Variants in RASSF3 observed in about 807,000 individuals in gnomAD.
The protein encoded by RASSF3 is Ras association domain family member 3.
A neutral mutation model predicts 19.9 loss-of-function variants in RASSF3; 19 were observed. The observed-to-expected ratio is 0.96, with a 90% CI of 0.67 to 1.40. The LOEUF is 1.40. Among genes scored for constraint, RASSF3 ranks in the 40% most tolerant of loss-of-function variants. RASSF3 has a pLI of 0.00. For synonymous variants in RASSF3, 110 were observed against 104.2 expected, an observed-to-expected ratio of 1.06 and a Z score of -0.34; for missense variants, 306 against 289.8, an observed-to-expected ratio of 1.06 and a Z score of -0.41.
chr12:64,636,061 G>T (rs185950165), intron 1 of RASSF3, among the ~76,000 whole-genome samples: 27 of 151,918 alleles, frequency 1.8e-4, no homozygotes, highest in African/African-American at 6.3e-4. Flanking sequence ...TGATTGTAAT[G>T]AGAGTGGCTC....
intron 2 of RASSF3, among the ~76,000 whole-genome samples, chr12:64,596,144 C>G (rs944451803): frequency 6.6e-6 from 1 of 152,164 alleles, no homozygotes; most frequent in Admixed American, 6.6e-5. Flanking sequence ...TTGATCAGAC[C>G]CTTTTTGTCC....
intron 2 of RASSF3, among the ~76,000 whole-genome samples, chr12:64,548,523 G>A (rs1406964072): frequency 2.0e-5 from 3 of 152,092 alleles, no homozygotes; most frequent in Non-Finnish European, 2.9e-5. Flanking sequence ...ATTTCTTACT[G>A]TTGAACATGA....
chr12:64,690,164 CA>C (rs1470673772), intron 3 of RASSF3, among the ~76,000 whole-genome samples: 5 of 151,376 alleles, frequency 3.3e-5, no homozygotes, highest in African/African-American at 1.2e-4. Context: ...ATGGTATATA[CA>C]TTTTTTTTTA....
At chr12:64,599,742 T>G (rs1477619790) in intron 2 of RASSF3, among the ~76,000 whole-genome samples, 3 of 152,142 alleles carry the variant, frequency 2.0e-5, no homozygotes, top group Admixed American at 6.6e-5. Context: ...CTCAAAATAC[T>G]GCCTGATAAG....
downstream of RASSF3, among the ~76,000 whole-genome samples, chr12:64,543,421 G>GCCCGCCCGCGCCCCC (rs1565836074): frequency 1.8e-5 from 1 of 55,880 alleles, no homozygotes; most frequent in Non-Finnish European, 3.6e-5. Context: ...CCCGCCCCCC[G>GCCCGCCCGCGCCCCC]GCTCCCCGCC....
intron 1 of RASSF3, among the ~76,000 whole-genome samples, chr12:64,526,707 A>G (rs1868595711): frequency 6.6e-6 from 1 of 152,070 alleles, no homozygotes; most frequent in Admixed American, 6.5e-5. Flanking sequence ...CGTTGCTTGG[A>G]TAACTTTTTA....
rs4102908 is a variant in RASSF3 at position 64,658,599 on chromosome 12, C to T, written c.112-26188C>T. Among the ~76,000 whole-genome samples the T allele has an allele frequency of 4.3e-3, 647 of 151,816 alleles. 3 individuals carry two copies. Among genetic ancestry groups the T allele is most frequent in the Non-Finnish European group, 6.9e-3 (472 of 67,918 alleles). On this transcript the variant is annotated intron_variant, in intron 1 of 4. Transcript: ENST00000542104. ...GGCGGATCGCTTGAGGCTGAGAGTTCAAGACCAGCCTGGACAACATAGTGA... is the reference window on the plus strand; with the variant it reads ...GGCGGATCGCTTGAGGCTGAGAGTTTAAGACCAGCCTGGACAACATAGTGA...
chr12:64,644,871 C>G (rs1364708312), intron 1 of RASSF3, among the ~76,000 whole-genome samples: 1 of 152,104 alleles, frequency 6.6e-6, no homozygotes, highest in East Asian at 1.9e-4. Context: ...AGCCCTAACA[C>G]ATTTTTGTGT....
chr12:64,658,608 C>T (rs1281919080), intron 1 of RASSF3, among the ~76,000 whole-genome samples: 1 of 151,924 alleles, frequency 6.6e-6, no homozygotes, highest in Non-Finnish European at 1.5e-5. Context: ...TCAAGACCAG[C>T]CTGGACAACA....
At chr12:64,688,129 T>C in intron 2 of RASSF3, 87 bp from the exon 3 acceptor site, 1 of 895,888 alleles carries the variant, frequency 1.1e-6, no homozygotes, top group South Asian at 1.4e-5. Flanking sequence ...AAAGGAGTGT[T>C]TCACCTTCCC....
chr12:64,554,521 TCTCGAACTCCTGAA>T (rs1304691892), intron 2 of RASSF3, among the ~76,000 whole-genome samples: 2 of 152,120 alleles, frequency 1.3e-5, no homozygotes, highest in South Asian at 4.1e-4. Context: ...GCCAGGCTGG[TCTCGAACTCCTGAA>T]CTCAGGTGAT....
At chr12:64,684,380 G>A (rs562964167) in intron 1 of RASSF3, among the ~76,000 whole-genome samples, 3 of 151,284 alleles carry the variant, frequency 2.0e-5, no homozygotes, top group East Asian at 1.9e-4. Flanking sequence ...CACCGTGCCC[G>A]GCCCTTGTGT....
intron 2 of RASSF3, among the ~76,000 whole-genome samples, chr12:64,579,187 G>A (rs571582415): frequency 1.3e-5 from 2 of 151,870 alleles, no homozygotes; most frequent in African/African-American, 2.4e-5. Context: ...TGACACAACC[G>A]TGTTAGAAAG....
At chr12:64,550,831 AAAG>A (rs1361382751) in intron 2 of RASSF3, among the ~76,000 whole-genome samples, 1 of 147,592 alleles carries the variant, frequency 6.8e-6, no homozygotes, top group African/African-American at 2.6e-5. Flanking sequence ...AAAAAAAAAA[AAAG>A]AAAGAAAGAA....
At chr12:64,552,925 T>C (rs560204875) in intron 2 of RASSF3, among the ~76,000 whole-genome samples, 3 of 152,164 alleles carry the variant, frequency 2.0e-5, no homozygotes, top group Non-Finnish European at 4.4e-5. Flanking sequence ...AAATAGCAAC[T>C]TGGGGCCGGG....
intron 1 of RASSF3, among the ~76,000 whole-genome samples, chr12:64,637,725 CAGCCCCTTG>C (rs1871370652): frequency 6.6e-6 from 1 of 152,048 alleles, no homozygotes; most frequent in Admixed American, 6.6e-5. Context: ...CCACCATGCC[CAGCCCCTTG>C]AGTAGTTCCT....
rs374809210 is a variant in RASSF3 at position 64,511,855 on chromosome 12, C to A, written c.169+4526C>A. On this transcript the variant is annotated intron_variant, in intron 1 of 5. Transcript: ENST00000637125. ...GGTCAAAAAATCAGAGCTAGAAGAC[C>A]TAGCTGTTTTCAGACAGTCTCTTTA... 2.1e-4 allele frequency among the ~76,000 whole-genome samples: 32 copies of A among 152,256 alleles called. No individual in the cohort carries two copies. The East Asian group carries it at 3.9e-3, about 18-fold the overall frequency.
intron 2 of RASSF3, among the ~76,000 whole-genome samples, chr12:64,561,645 A>G (rs1869348294): frequency 6.6e-6 from 1 of 152,074 alleles, no homozygotes; most frequent in Admixed American, 6.6e-5. Flanking sequence ...AGCCACTAAA[A>G]CAAAAAATGC....
chr12:64,519,572 C>T (rs1868425261), intron 1 of RASSF3, among the ~76,000 whole-genome samples: 2 of 152,008 alleles, frequency 1.3e-5, no homozygotes, highest in South Asian at 2.1e-4. Flanking sequence ...ATTGACCCAA[C>T]TGGAAATCTG....
Sources: gnomAD v4.1 joint callset for allele counts (sites outside exome capture counted in the v4.1 genomes callset) on GRCh38, gnomAD v4.1.1 for gene constraint, MANE v1.5 for transcripts, NCBI Gene and HGNC (gene_info 2026-07-23, HGNC 2026-07-21) for gene names.